FAM184A: variants seen among roughly 807,000 people sequenced by gnomAD.
FAM184A encodes protein FAM184A.
A neutral mutation model predicts 143.8 loss-of-function variants in FAM184A; 99 were observed. The observed-to-expected ratio is 0.69, with a 90% CI of 0.58 to 0.81. The LOEUF is 0.81. Among genes scored for constraint, FAM184A ranks in the 40% least tolerant of loss-of-function variants. FAM184A has a pLI of 0.00. For missense variants in FAM184A, 1,217 were observed against 1,310.5 expected, an observed-to-expected ratio of 0.93 and a Z score of 1.10; for synonymous variants, 427 against 446.4, an observed-to-expected ratio of 0.96 and a Z score of 0.55.
intron 5 of FAM184A, 56 bp downstream of exon 5, chr6:119,016,691 C>A: frequency 6.8e-7 from 1 of 1,472,334 alleles, no homozygotes; most frequent in Non-Finnish European, 9.5e-7. Context: ...TCCGGACACA[C>A]TACTACAGAA....
intron 1 of FAM184A, among the ~76,000 whole-genome samples, chr6:119,030,791 A>T (rs1046476097): frequency 1.3e-5 from 2 of 151,928 alleles, no homozygotes; most frequent in African/African-American, 4.8e-5. Flanking sequence ...ACTCTCTTAA[A>T]GTCTCTTTTC....
At chr6:119,107,939 T>C (rs977581246) in intron 1 of FAM184A, among the ~76,000 whole-genome samples, 38 of 152,284 alleles carry the variant, frequency 2.5e-4, no homozygotes, top group Non-Finnish European at 4.6e-4. Flanking sequence ...TTAAGACATA[T>C]TTATTAGGTG....
At chr6:119,105,159 T>C (rs911827347) in intron 1 of FAM184A, among the ~76,000 whole-genome samples, 11 of 152,180 alleles carry the variant, frequency 7.2e-5, no homozygotes, top group Non-Finnish European at 1.6e-4. Context: ...ATGTGGACTT[T>C]AGTTAATAAT....
chr6:119,002,299 T>C (rs888216907), intron 9 of FAM184A, among the ~76,000 whole-genome samples: 1 of 152,132 alleles, frequency 6.6e-6, no homozygotes, highest in Non-Finnish European at 1.5e-5. Flanking sequence ...ATGTTAAGAA[T>C]TAATAAATTT....
At chr6:119,060,685 G>A (rs1787197266) in intron 1 of FAM184A, among the ~76,000 whole-genome samples, 2 of 152,148 alleles carry the variant, frequency 1.3e-5, no homozygotes, top group African/African-American at 4.8e-5. Context: ...TGGATCATGA[G>A]GGTGGTTTCT....
At chr6:119,120,421 C>T (rs1047261049) in intron 1 of FAM184A, among the ~76,000 whole-genome samples, 3 of 152,150 alleles carry the variant, frequency 2.0e-5, no homozygotes, top group Admixed American at 2.0e-4. Context: ...AGTTGATGGA[C>T]CTTTGAGTTT....
rs201214993 is a variant in FAM184A at position 118,963,064 on chromosome 6, AGAAAAT to A, written c.3139-1107_3139-1102del. On this transcript the variant is annotated intron_variant, in intron 16 of 17. Coordinates refer to ENST00000338891, the MANE Select transcript of FAM184A (RefSeq NM_024581.6). ...ATCCTATTTTAGCATAACCAGAAAA[AGAAAAT>A]AATAATAATACCTTCCTCAGAACTA... 3 of 152,208 alleles carry A rather than the reference AGAAAAT, an allele frequency of 2.0e-5. No individual in the cohort carries two copies. In the East Asian group the frequency reaches 5.8e-4, roughly 29 times the overall value. The allele number at this position is 152,208 out of a possible 1,614,324, so 9.4% of individuals were successfully genotyped here. A position where few individuals can be genotyped will look rare whatever the true frequency, so the allele number is the denominator to read the frequency against.
At chr6:119,039,119 G>C (rs949997272) in intron 1 of FAM184A, among the ~76,000 whole-genome samples, 1 of 152,160 alleles carries the variant, frequency 6.6e-6, no homozygotes, top group Non-Finnish European at 1.5e-5. Context: ...ACACATATTA[G>C]ATCTAGGCCA....
chr6:119,128,096 A>T (rs1211652276), intron 1 of FAM184A, among the ~76,000 whole-genome samples: 2 of 152,038 alleles, frequency 1.3e-5, no homozygotes, highest in Admixed American at 1.3e-4. Context: ...GGCACAACTG[A>T]CTACCATTAA....
chr6:119,099,276 C>T (rs7741875), intron 1 of FAM184A, among the ~76,000 whole-genome samples: 96,168 of 152,012 alleles, frequency 0.63, 31,118 homozygotes, highest in East Asian at 0.96. Flanking sequence ...CCTGAATCCT[C>T]ATCTTTAGCT....
intron 9 of FAM184A, among the ~76,000 whole-genome samples, 187 bp from the exon 10 acceptor site, chr6:118,980,537 T>G (rs1175197642): frequency 1.3e-5 from 2 of 152,200 alleles, no homozygotes; most frequent in Non-Finnish European, 2.9e-5. Flanking sequence ...AAAATTCCAC[T>G]TTCTGTAATT....
intron 1 of FAM184A, among the ~76,000 whole-genome samples, chr6:119,137,989 C>T (rs1772081319): frequency 6.6e-6 from 1 of 152,230 alleles, no homozygotes; most frequent in Non-Finnish European, 1.5e-5. Flanking sequence ...TGTTCTATCC[C>T]TAGCTCCGGC....
chr6:119,113,171 C>T lies in FAM184A; in HGVS notation c.-202+35907G>A, dbSNP rs529544519. ...GTGCTCATGGGGCAAGTTTCCTGAT[C>T]ACCATTATCAGATTATTTGACTCAA... On this transcript the variant is annotated intron_variant, in intron 1 of 16. Coordinates refer to the FAM184A transcript ENST00000352896. 9.4e-4 allele frequency among the ~76,000 whole-genome samples: 143 copies of T among 152,110 alleles called. 1 individual carries two copies. The Middle Eastern group carries it at 0.02, about 22-fold the overall frequency.
intron 1 of FAM184A, among the ~76,000 whole-genome samples, chr6:119,144,066 G>A (rs910317410): frequency 3.9e-5 from 6 of 152,048 alleles, no homozygotes; most frequent in East Asian, 1.9e-4. Flanking sequence ...TGTTTCTCAC[G>A]CCTGTAATCC....
chr6:118,991,780 T>TTTTTTG (rs1784386784), intron 9 of FAM184A, among the ~76,000 whole-genome samples: 1 of 85,662 alleles, frequency 1.2e-5, no homozygotes, highest in Admixed American at 1.6e-4. Context: ...TTTTTTTTTT[T>TTTTTTG]GAGACAGAGT....
intron 1 of FAM184A, among the ~76,000 whole-genome samples, chr6:119,070,107 T>G (rs1402258701): frequency 6.6e-6 from 1 of 152,150 alleles, no homozygotes; most frequent in Non-Finnish European, 1.5e-5. Context: ...AATCACTAAG[T>G]CTTGTTTTTC....
In FAM184A at chr6:119,099,505, C is replaced by G. The variant is rs187485606; in HGVS notation, c.-202+49573G>C. ...AGTCCCTGCTCCATCTCAATAAGACCCCCATTTCAAAAGGGGTCCTGCTCC... is the reference window on the plus strand; with the variant it reads ...AGTCCCTGCTCCATCTCAATAAGACGCCCATTTCAAAAGGGGTCCTGCTCC... On this transcript the variant is annotated intron_variant, in intron 1 of 16. Coordinates refer to the FAM184A transcript ENST00000352896. Among the ~76,000 whole-genome samples, 18 of 152,170 alleles carry G rather than the reference C, an allele frequency of 1.2e-4. 1 individual carries two copies. Among genetic ancestry groups the G allele is most frequent in the Admixed American group, 1.1e-3 (17 of 15,288 alleles).
At chr6:118,978,182 CA>C (rs2114576159) in intron 11 of FAM184A, among the ~76,000 whole-genome samples, 1 of 152,296 alleles carries the variant, frequency 6.6e-6, no homozygotes, top group South Asian at 2.1e-4. Context: ...AGGCTGATCT[CA>C]AAATCCCGCC....
chr6:118,978,348 C>T (rs1039835198), intron 11 of FAM184A, among the ~76,000 whole-genome samples: 4 of 152,184 alleles, frequency 2.6e-5, no homozygotes, highest in Admixed American at 2.6e-4. Flanking sequence ...CTGTTTTTGC[C>T]TGCCCTGACA....
Sources: allele counts gnomAD v4.1 joint callset (sites outside exome capture counted in the v4.1 genomes callset), GRCh38; gene constraint gnomAD v4.1.1; transcripts MANE v1.5; gene names NCBI Gene and HGNC (gene_info 2026-07-23, HGNC 2026-07-21).